TBC1D16: variants seen among roughly 807,000 people sequenced by gnomAD.
The protein encoded by TBC1D16 is CTD-2529O21.1.
In TBC1D16, 58 loss-of-function variants were observed where a neutral mutation model predicts 74.7. The ratio of observed to expected loss-of-function variants is 0.78; its 90% CI spans 0.63 to 0.97. The LOEUF (loss-of-function observed/expected upper bound fraction) is 0.97. Ranked by LOEUF, TBC1D16 falls within the 50% of genes least tolerant of loss-of-function variation. TBC1D16 has a pLI of 0.00. For synonymous variants in TBC1D16, 493 were observed against 474.7 expected, an observed-to-expected ratio of 1.04 and a Z score of -0.50; for missense variants, 1,014 against 1,079.5, an observed-to-expected ratio of 0.94 and a Z score of 0.85.
At chr17:79,962,525 T>G (rs1400478039) in intron 3 of TBC1D16, among the ~76,000 whole-genome samples, 2 of 151,560 alleles carry the variant, frequency 1.3e-5, no homozygotes, top group Non-Finnish European at 2.9e-5. Flanking sequence ...ATCTCAACCA[T>G]TTTTAAATGT....
chr17:79,956,244 G>A lies in TBC1D16; in HGVS notation c.780-3426C>T, dbSNP rs764712057. On this transcript the variant is annotated intron_variant, in intron 3 of 11. Coordinates refer to ENST00000310924, the MANE Select transcript of TBC1D16 (RefSeq NM_019020.4). This position sits in a 1 kb window ranked among gnomAD's most constrained non-coding sequence, Gnocchi z 4.0. ...ACCAAAGGTCTGTGAGCAAAGAAGC[G>A]GTTTTTTGTTTGTTTGTTTGTTTTT... is the stretch of plus-strand genomic sequence containing the variant. 1.3e-5 allele frequency among the ~76,000 whole-genome samples: 2 copies of A among 152,138 alleles called. No individual in the cohort carries two copies. The highest frequency in any genetic ancestry group is 4.8e-5 in the African/African-American group (2 of 41,428).
rs1419451443 is a variant in TBC1D16 at position 79,987,037 on chromosome 17, C to T, written c.779+23123G>A. Among the ~76,000 whole-genome samples, 1 of 152,198 alleles carries T rather than the reference C, an allele frequency of 6.6e-6. No homozygotes were observed. The highest frequency in any genetic ancestry group is 2.4e-5 in the African/African-American group (1 of 41,454). On this transcript the variant is annotated intron_variant, in intron 3 of 11. Transcript: ENST00000310924. This position sits in a 1 kb window ranked among gnomAD's most constrained non-coding sequence, Gnocchi z 5.2. Reference sequence around the variant, plus strand: ...TTTGAGGTGGGGCCACAGAACCTCCCTTGAGAGCCAGAAGAGATCAGGGCC... The same window carrying T: ...TTTGAGGTGGGGCCACAGAACCTCCTTTGAGAGCCAGAAGAGATCAGGGCC...
chr17:79,978,119 CG>C (rs1474130918), intron 3 of TBC1D16, among the ~76,000 whole-genome samples: 2 of 152,162 alleles, frequency 1.3e-5, no homozygotes, highest in Admixed American at 6.5e-5. Flanking sequence ...TCGGGAGCGC[CG>C]ACATCCCGCA....
At chr17:80,027,909 A>G (rs911570511) in intron 1 of TBC1D16, among the ~76,000 whole-genome samples, 12 of 151,752 alleles carry the variant, frequency 7.9e-5, no homozygotes, top group African/African-American at 2.9e-4. Flanking sequence ...AAAAAAAAAA[A>G]AAAAGAGAAG....
intron 3 of TBC1D16, among the ~76,000 whole-genome samples, chr17:79,967,791 C>T (rs1341498196): frequency 3.9e-5 from 6 of 152,094 alleles, no homozygotes; most frequent in Non-Finnish European, 8.8e-5. Context: ...ATAGCCAAAA[C>T]AACATTGAAA....
rs2034688850 is a variant in TBC1D16 at position 79,983,674 on chromosome 17, G to T, written c.779+26486C>A. 1.3e-5 allele frequency among the ~76,000 whole-genome samples: 2 copies of T among 152,188 alleles called. No homozygotes were observed. On this transcript the variant is annotated intron_variant, in intron 3 of 11. Transcript: ENST00000310924. The surrounding 1 kb of genome is among the most constrained non-coding windows in gnomAD (Gnocchi z 5.6). ...AGGAAGTGCCGCCCACGGCATTCCG[G>T]AAGGTGGTTCCTTCTGGAGACCGGG...
In TBC1D16 at chr17:79,950,249, C is replaced by T. The variant is rs1022507000; in HGVS notation, c.1257+162G>A. Among the ~76,000 whole-genome samples, 3 of 151,830 alleles carry T rather than the reference C, an allele frequency of 2.0e-5. No homozygotes were observed. The highest frequency in any genetic ancestry group is 2.9e-5 in the Non-Finnish European group (2 of 67,958). On this transcript the variant is annotated intron_variant, in intron 6 of 11. Transcript: ENST00000310924. The surrounding 1 kb of genome is among the most constrained non-coding windows in gnomAD (Gnocchi z 4.6). ...AACGCAGCAGCTTTGATTGCTTTATCGGTGTGTTCACAGAGAGCCTCACAC... is the reference window on the plus strand; with the variant it reads ...AACGCAGCAGCTTTGATTGCTTTATTGGTGTGTTCACAGAGAGCCTCACAC...
rs1368614045 is a variant in TBC1D16 at position 80,026,449 on chromosome 17, G to A, written c.-63+9346C>T. Reference sequence around the variant, plus strand: ...CCAAAACAAACAAACATCATCTTCTGGGGGAGGGGGGAATCTATTAGTTTA... The same window carrying A: ...CCAAAACAAACAAACATCATCTTCTAGGGGAGGGGGGAATCTATTAGTTTA... On this transcript the variant is annotated intron_variant, in intron 1 of 11. Transcript: ENST00000310924. 1.3e-5 allele frequency among the ~76,000 whole-genome samples: 2 copies of A among 149,608 alleles called. 1 individual carries two copies. The highest frequency in any genetic ancestry group is 5.1e-5 in the African/African-American group (2 of 39,062).
At chr17:80,028,240 A>G (rs1453385272) in intron 1 of TBC1D16, among the ~76,000 whole-genome samples, 1 of 152,138 alleles carries the variant, frequency 6.6e-6, no homozygotes, top group African/African-American at 2.4e-5. Flanking sequence ...AAGAAAAGAA[A>G]AAAAGAATAG....
In TBC1D16 at chr17:79,961,715, C is replaced by T. The variant is rs145798306; in HGVS notation, c.780-8897G>A. On this transcript the variant is annotated intron_variant, in intron 3 of 11. Transcript: ENST00000310924. The surrounding 1 kb of genome is among the most constrained non-coding windows in gnomAD (Gnocchi z 4.8). ...TGTATCTACCAAAAATACAAAAAAT[C>T]AGCCAGACGTGGTGGCGGGCGCCTA... Among the ~76,000 whole-genome samples, 299 of 152,048 alleles carry T rather than the reference C, an allele frequency of 2.0e-3. 1 individual carries two copies. The highest frequency in any genetic ancestry group is 6.8e-3 in the African/African-American group (283 of 41,496).
At chr17:80,026,805 A>G (rs1342051640) in intron 1 of TBC1D16, among the ~76,000 whole-genome samples, 2 of 149,764 alleles carry the variant, frequency 1.3e-5, no homozygotes, top group African/African-American at 2.6e-5. Flanking sequence ...AAAGAAAACC[A>G]TTCGTCCTGG....
Position 79,944,205 on chromosome 17 carries a change from A to AGCT in TBC1D16, c.1908+700_1908+702dup. The AGCT allele has an allele frequency of 1.3e-6, 2 of 1,489,452 alleles. No homozygotes were observed. Among genetic ancestry groups the AGCT allele is most frequent in the Non-Finnish European group, 1.8e-6 (2 of 1,105,414 alleles). 92.3% of individuals were successfully genotyped at this position (1,489,452 alleles called of 1,614,324 possible). ...AGGGTTCTCTGACGGAGGCTGCTGG[A>AGCT]GCTGCCGTGGTGGATAGAGCCAGCT... On this transcript the variant is annotated intron_variant, in intron 10 of 11. Coordinates refer to ENST00000310924, the MANE Select transcript of TBC1D16 (RefSeq NM_019020.4). The surrounding 1 kb of genome is among the most constrained non-coding windows in gnomAD (Gnocchi z 7.7).
intron 1 of TBC1D16, among the ~76,000 whole-genome samples, chr17:80,022,216 A>G (rs1474630425): frequency 6.7e-6 from 1 of 150,094 alleles, no homozygotes; most frequent in Non-Finnish European, 1.5e-5. Context: ...AGTATCGAGC[A>G]GTTCATTGAG....
At chr17:80,018,178 CAAAAAA>C (rs535459874) in intron 1 of TBC1D16, among the ~76,000 whole-genome samples, 2,930 of 83,286 alleles carry the variant, frequency 0.035, 71 homozygotes, top group African/African-American at 0.13. Context: ...TTCTGGTAAG[CAAAAAA>C]AAAAAAAAAA....
chr17:79,947,757 G>A lies in TBC1D16; in HGVS notation c.1616C>T (p.Pro539Leu). The A allele has an allele frequency of 1.2e-6, 2 of 1,613,930 alleles. No individual in the cohort carries two copies. Residue 539 changes from proline (P) to leucine (L), a missense_variant, in exon 9 of 12, where the codon CCC (proline) becomes CTC (leucine). Physicochemically the swap from Pro to Leu is moderately conservative, Grantham distance 98 (BLOSUM62 -3). Transcript: ENST00000310924. The stretch of plus-strand genomic sequence containing the variant: ...CTCATCCAGGACCTCGGCCAAGATG[G>A]GCGCCACCAGGTCCGACATCCCTTG... ...YSQGMSDLVA[P>L]ILAEVLDESD...
rs1248975376 is a variant in TBC1D16, at chr17:79,975,308, C to T, written c.780-22490G>A. 1.3e-5 allele frequency among the ~76,000 whole-genome samples: 2 copies of T among 152,214 alleles called. No individual in the cohort carries two copies. Among genetic ancestry groups the T allele is most frequent in the Admixed American group, 6.5e-5 (1 of 15,288 alleles). Reference sequence around the variant, plus strand: ...CCTGTAATCTACCTGGATTGGAACGCCCAGCTTTGTACAGCCTGAGCTCTG... The same window carrying T: ...CCTGTAATCTACCTGGATTGGAACGTCCAGCTTTGTACAGCCTGAGCTCTG... On this transcript the variant is annotated intron_variant, in intron 3 of 11. Transcript: ENST00000310924. The surrounding 1 kb of genome is among the most constrained non-coding windows in gnomAD (Gnocchi z 4.5).
At chr17:80,026,843 G>C (rs572005578) in intron 1 of TBC1D16, among the ~76,000 whole-genome samples, 1 of 149,562 alleles carries the variant, frequency 6.7e-6, no homozygotes, top group African/African-American at 2.6e-5. Context: ...TGTCAGGAAG[G>C]CTGCCCCAGT....
chr17:79,964,668 C>T (rs2143979284), intron 3 of TBC1D16, among the ~76,000 whole-genome samples: 1 of 152,242 alleles, frequency 6.6e-6, no homozygotes, highest in South Asian at 2.1e-4. Context: ...CTTCAATAAA[C>T]TTGTAAAAAA....
At chr17:80,028,894 G>A (rs934068939) in intron 1 of TBC1D16, among the ~76,000 whole-genome samples, 1 of 152,054 alleles carries the variant, frequency 6.6e-6, no homozygotes, top group Non-Finnish European at 1.5e-5. Context: ...TTACACGCGT[G>A]AGCCACCGCC....
Sources: allele counts gnomAD v4.1 joint callset (sites outside exome capture counted in the v4.1 genomes callset), GRCh38; gene constraint gnomAD v4.1.1; non-coding constraint Gnocchi (gnomAD v3.1); transcripts MANE v1.5; gene names NCBI Gene and HGNC (gene_info 2026-07-23, HGNC 2026-07-21).